Variants in CHL1 observed in about 807,000 individuals in gnomAD.
The protein encoded by CHL1 is neural cell adhesion molecule L1-like protein.
A neutral mutation model predicts 141.9 loss-of-function variants in CHL1; 96 were observed. The ratio of observed to expected loss-of-function variants is 0.68; its 90% confidence interval spans 0.57 to 0.80. CHL1 has a LOEUF of 0.80. Ranked by LOEUF, CHL1 falls within the 30% of genes least tolerant of loss-of-function variation. The pLI is 0.00. For missense variants in CHL1, 1,820 were observed against 1,457.2 expected (o/e 1.25, Z -4.05); for synonymous variants, 613 against 502.2 (o/e 1.22, Z -2.95).
chr3:249,524 G>T (rs1693487944), intron 2 of CHL1, among the ~76,000 whole-genome samples: 1 of 152,150 alleles, frequency 6.6e-6, no homozygotes, highest in Non-Finnish European at 1.5e-5. Context: ...ATTATGGCAT[G>T]TTTGAGTTCT....
At chr3:274,058 C>G (rs1313540747) in intron 2 of CHL1, among the ~76,000 whole-genome samples, 1 of 152,216 alleles carries the variant, frequency 6.6e-6, no homozygotes, top group Non-Finnish European at 1.5e-5. Context: ...TCACCAGTTT[C>G]CATTCACTGA....
intron 2 of CHL1, among the ~76,000 whole-genome samples, chr3:254,283 G>A (rs529063920): frequency 3.9e-5 from 6 of 152,110 alleles, no homozygotes; most frequent in Non-Finnish European, 7.4e-5. Context: ...CCCATAAATT[G>A]ATCTCACATC....
intron 2 of CHL1, among the ~76,000 whole-genome samples, chr3:263,435 T>C (rs1694902933): frequency 6.6e-6 from 1 of 152,242 alleles, no homozygotes; most frequent in Admixed American, 6.5e-5. Context: ...TGTATCCTTG[T>C]GACACGTTTC....
At chr3:242,633 C>T (rs1402302705) in intron 1 of CHL1, among the ~76,000 whole-genome samples, 2 of 151,290 alleles carry the variant, frequency 1.3e-5, no homozygotes, top group African/African-American at 4.9e-5. Context: ...TAAAATAATA[C>T]AGAGATAATT....
rs541742883 is a variant in CHL1 at position 381,276 on chromosome 3, A to G, written c.1877-903A>G. On this transcript the variant is annotated intron_variant, in intron 16 of 27. Transcript: ENST00000256509. ...AGACCCCAGAGCCTGATGCGATTGAACACAGTGGAGACATGGGCCCAGAAA... is the reference window on the plus strand; with the variant it reads ...AGACCCCAGAGCCTGATGCGATTGAGCACAGTGGAGACATGGGCCCAGAAA... Among the ~76,000 whole-genome samples, 16 of 152,288 alleles carry G rather than the reference A, an allele frequency of 1.1e-4. No homozygotes were observed. The East Asian group carries it at 3.1e-3, about 29-fold the overall frequency.
chr3:371,522 T>G (rs1032391630), intron 15 of CHL1, among the ~76,000 whole-genome samples: 5 of 152,216 alleles, frequency 3.3e-5, no homozygotes, highest in African/African-American at 1.2e-4. Flanking sequence ...ATGGGTCTCC[T>G]GAATACAGCA....
chr3:342,794 T>C (rs145893033), intron 7 of CHL1, among the ~76,000 whole-genome samples, 190 bp from the exon 8 acceptor site: 3 of 152,330 alleles, frequency 2.0e-5, no homozygotes, highest in African/African-American at 7.2e-5. Flanking sequence ...CTTCTCCACC[T>C]GGATTCAAGA....
chr3:383,678 G>A (rs960163799), intron 18 of CHL1, 138 bp from the exon 19 acceptor site: 3 of 514,850 alleles, frequency 5.8e-6, no homozygotes, highest in Non-Finnish European at 1.0e-5. Context: ...AATCTTTTTA[G>A]GAACTGGACC....
intron 2 of CHL1, among the ~76,000 whole-genome samples, chr3:261,514 T>C (rs143018002): frequency 2.7e-4 from 41 of 152,308 alleles, no homozygotes; most frequent in African/African-American, 9.6e-4. Context: ...TCTTTAAATT[T>C]TATATTCACT....
intron 2 of CHL1, among the ~76,000 whole-genome samples, chr3:264,471 C>A (rs1162285834): frequency 6.6e-6 from 1 of 152,092 alleles, no homozygotes; most frequent in Non-Finnish European, 1.5e-5. Flanking sequence ...GCTGGGAATT[C>A]GCCTCTTTAA....
chr3:399,286 G>C, intron 26 of CHL1, 138 bp downstream of exon 26: 1 of 653,288 alleles, frequency 1.5e-6, no homozygotes, highest in South Asian at 1.9e-5. Flanking sequence ...TGCACTGACA[G>C]GAAAAACGTA....
At chr3:379,563 C>CAG (rs1559334404) in intron 16 of CHL1, among the ~76,000 whole-genome samples, 1 of 152,156 alleles carries the variant, frequency 6.6e-6, no homozygotes, top group Non-Finnish European at 1.5e-5. Flanking sequence ...GTATTTTGAG[C>CAG]AGTCTCAGCC....
chr3:310,997 A>T (rs1699707444), intron 2 of CHL1, among the ~76,000 whole-genome samples: 1 of 152,018 alleles, frequency 6.6e-6, no homozygotes, highest in Non-Finnish European at 1.5e-5. Context: ...GGTGTTTTCA[A>T]ATTGGCCTGT....
intron 1 of CHL1, among the ~76,000 whole-genome samples, chr3:232,511 T>G (rs1268607103): frequency 4.6e-5 from 7 of 152,134 alleles, no homozygotes; most frequent in Admixed American, 2.6e-4. Context: ...CAGTTTTAGG[T>G]TTTTTAAAGA....
intron 1 of CHL1, among the ~76,000 whole-genome samples, chr3:232,779 C>T (rs1701981689): frequency 1.3e-5 from 2 of 152,010 alleles, no homozygotes; most frequent in Admixed American, 1.3e-4. Flanking sequence ...AGAAAGAGAC[C>T]TTCAGAGAGG....
chr3:396,024 TCTAA>T (rs1708637501), intron 24 of CHL1, among the ~76,000 whole-genome samples: 2 of 152,314 alleles, frequency 1.3e-5, no homozygotes, highest in Admixed American at 1.3e-4. Context: ...GCCTACTATA[TCTAA>T]CTAATAACAA....
Position 214,588 on chromosome 3 carries a change from C to T in CHL1, c.-175+17525C>T, listed in dbSNP as rs140014726. Among the ~76,000 whole-genome samples the T allele has an allele frequency of 1.1e-4, 17 of 152,186 alleles. No individual in the cohort carries two copies. In the East Asian group the frequency reaches 3.3e-3, roughly 29 times the overall value. ...TATTTTATACATTGCATTTTAATTA[C>T]ATTTATAATTTTAAGAAACTTCACT... On this transcript the variant is annotated intron_variant, in intron 1 of 27. Transcript: ENST00000256509.
intron 14 of CHL1, 77 bp downstream of exon 14, chr3:363,460 T>A: frequency 2.3e-6 from 3 of 1,314,522 alleles, no homozygotes; most frequent in Non-Finnish European, 3.2e-6. Flanking sequence ...AATGGAATAA[T>A]ACCATTTAAG....
At chr3:377,776 AT>A in intron 15 of CHL1, 41 bp from the exon 16 acceptor site, 1 of 1,523,244 alleles carries the variant, frequency 6.6e-7, no homozygotes, top group Non-Finnish European at 9.0e-7. Flanking sequence ...TATCATTTCT[AT>A]TGTTTTCCTT....
Sources: gnomAD v4.1 joint callset for allele counts (sites outside exome capture counted in the v4.1 genomes callset) on GRCh38, gnomAD v4.1.1 for gene constraint, MANE v1.5 for transcripts, NCBI Gene and HGNC (gene_info 2026-07-23, HGNC 2026-07-21) for gene names.